The following PCDHGA8 variants were observed in gnomAD, a reference collection of about 807,000 sequenced individuals.
The protein encoded by PCDHGA8 is protocadherin gamma subfamily A, 8, also known as protocadherin gamma-A8.
A neutral mutation model predicts 59.2 loss-of-function variants in PCDHGA8; 45 were observed. The observed-to-expected ratio is 0.76, with a 90% confidence interval of 0.60 to 0.98. The LOEUF (loss-of-function observed/expected upper bound fraction) is 0.98, where lower values mean the gene tolerates loss of function less well. Ranked by LOEUF, PCDHGA8 falls within the 50% of genes least tolerant of loss-of-function variation. The pLI, the probability that PCDHGA8 is intolerant of heterozygous loss-of-function variation, is 0.00. For missense variants in PCDHGA8, 1,257 were observed against 1,196.2 expected, an observed-to-expected ratio of 1.05 and a Z score of -0.75; for synonymous variants, 531 against 519.0, an observed-to-expected ratio of 1.02 and a Z score of -0.32.
chr5:141,473,930 G>T (rs966856411), intron 1 of PCDHGA8, among the ~76,000 whole-genome samples: 3 of 152,156 alleles, frequency 2.0e-5, no homozygotes, highest in Admixed American at 6.5e-5. Flanking sequence ...TGAGCTGGGT[G>T]CAGTAGCTCA....
At chr5:141,446,697 C>T (rs1254994356) in intron 1 of PCDHGA8, among the ~76,000 whole-genome samples, 9 of 152,134 alleles carry the variant, frequency 5.9e-5, no homozygotes, top group Admixed American at 5.9e-4. Context: ...AGGCTGGTCT[C>T]GAACTCTGAT....
chr5:141,439,190 CA>C (rs200519543), intron 1 of PCDHGA8, among the ~76,000 whole-genome samples: 2,445 of 111,432 alleles, frequency 0.022, 39 homozygotes, highest in African/African-American at 0.057. Flanking sequence ...GAGACTCTGA[CA>C]AAAAAAAAAA....
intron 1 of PCDHGA8, chr5:141,395,547 TG>T (rs5871772): frequency 0.053 from 9,293 of 174,278 alleles, 481 homozygotes; most frequent in Middle Eastern, 0.08. Flanking sequence ...ATTGTTTGTG[TG>T]TGTGTGTGTG....
At chr5:141,399,588 C>A (rs2093842272) in intron 1 of PCDHGA8, 1 of 1,613,894 alleles carries the variant, frequency 6.2e-7, no homozygotes, top group South Asian at 1.1e-5. Context: ...CCTACTCTAT[C>A]ATGGCCAGCG....
At chr5:141,473,343 T>G (rs1309426537) in intron 1 of PCDHGA8, among the ~76,000 whole-genome samples, 1 of 152,218 alleles carries the variant, frequency 6.6e-6, no homozygotes, top group African/African-American at 2.4e-5. Context: ...TGCTAGACAG[T>G]GAGGATGCAA....
chr5:141,422,298 T>G, intron 1 of PCDHGA8: 1 of 1,549,054 alleles, frequency 6.5e-7, no homozygotes, highest in Non-Finnish European at 8.7e-7. Flanking sequence ...TTAATTCAAT[T>G]CTGGAAAACT....
intron 1 of PCDHGA8, chr5:141,404,646 C>G (rs1461001534): frequency 3.1e-6 from 5 of 1,614,208 alleles, no homozygotes; most frequent in Non-Finnish European, 3.4e-6. Flanking sequence ...ATCCTGTACC[C>G]TGCCCTCCCC....
chr5:141,466,969 C>T (rs2099133068), intron 1 of PCDHGA8, among the ~76,000 whole-genome samples: 1 of 152,068 alleles, frequency 6.6e-6, no homozygotes, highest in African/African-American at 2.4e-5. Flanking sequence ...TATTTTCTCA[C>T]AGCTCATCAT....
chr5:141,469,419 A>G (rs1047562022), intron 1 of PCDHGA8, among the ~76,000 whole-genome samples: 2 of 152,066 alleles, frequency 1.3e-5, no homozygotes, highest in South Asian at 2.1e-4. Flanking sequence ...TACTAAAAAT[A>G]TAAAACTTAG....
chr5:141,507,691 A>G (rs777728143), intron 3 of PCDHGA8, among the ~76,000 whole-genome samples: 72 of 152,198 alleles, frequency 4.7e-4, no homozygotes, highest in Non-Finnish European at 6.8e-4. Context: ...CAGAAATGAA[A>G]TCAGTATTTA....
intron 1 of PCDHGA8, chr5:141,398,604 T>A: frequency 6.2e-7 from 1 of 1,614,048 alleles, no homozygotes; most frequent in Non-Finnish European, 8.5e-7. Flanking sequence ...TAGCAGAAGA[T>A]GCAGATATTG....
In PCDHGA8 at chr5:141,490,081, T is replaced by A; in HGVS notation, c.2425-4726T>A. Reference sequence around the variant, plus strand: ...CACCAACGGCCAACTAGACTATTCTTTTGGAGACCACACATCTGAGGCAGT... The same window carrying A: ...CACCAACGGCCAACTAGACTATTCTATTGGAGACCACACATCTGAGGCAGT... On this transcript the variant is annotated intron_variant, in intron 1 of 3. Coordinates refer to ENST00000398604, the MANE Select transcript of PCDHGA8 (RefSeq NM_032088.2). The surrounding 1 kb of genome is among the most constrained non-coding windows in gnomAD (Gnocchi z 5.4). 3 of 1,614,216 alleles carry A rather than the reference T, an allele frequency of 1.9e-6. No homozygotes were observed. Among genetic ancestry groups the A allele is most frequent in the Non-Finnish European group, 2.5e-6 (3 of 1,180,040 alleles).
At position 141,491,318 on chromosome 5, in the gene PCDHGA8, A is replaced by C; in HGVS notation, c.2425-3489A>C. The C allele has an allele frequency of 6.2e-7, 1 of 1,613,862 alleles. No individual in the cohort carries two copies. The highest frequency in any genetic ancestry group is 8.5e-7 in the Non-Finnish European group (1 of 1,179,916). On this transcript the variant is annotated intron_variant, in intron 1 of 3. Transcript: ENST00000398604. The surrounding 1 kb of genome is among the most constrained non-coding windows in gnomAD (Gnocchi z 6.9). ...CCTGAGCGTTCAGACCTTACCCTTT[A>C]CCTCATTGTGGCTCTAGCGACCGTC...
intron 1 of PCDHGA8, chr5:141,430,944 G>T: frequency 1.2e-6 from 2 of 1,609,214 alleles, no homozygotes; most frequent in Non-Finnish European, 1.7e-6. Flanking sequence ...CTCGCGGAGC[G>T]CGGAGTCCGC....
chr5:141,456,984 C>G (rs374156327), intron 1 of PCDHGA8, among the ~76,000 whole-genome samples: 1 of 152,200 alleles, frequency 6.6e-6, no homozygotes, highest in East Asian at 1.9e-4. Flanking sequence ...AACAAACAAA[C>G]AAACAAAAAC....
At chr5:141,428,146 C>T (rs549173211) in intron 1 of PCDHGA8, 15 of 1,589,346 alleles carry the variant, frequency 9.4e-6, no homozygotes, top group East Asian at 2.2e-5. Context: ...GGGCTGCACA[C>T]GGGAACCTGC....
In PCDHGA8 at chr5:141,491,803, C is replaced by T. The variant is rs2099730932; in HGVS notation, c.2425-3004C>T. ...CTTGCATCCACTCCTCTCCGGCCGG[C>T]TTGGTCGCTGGCTGCGCTCCACCCG... On this transcript the variant is annotated intron_variant, in intron 1 of 3. Transcript: ENST00000398604. This position sits in a 1 kb window ranked among gnomAD's most constrained non-coding sequence, Gnocchi z 6.9. 1 of 1,497,820 alleles carries T rather than the reference C, an allele frequency of 6.7e-7. No individual in the cohort carries two copies. Among genetic ancestry groups the T allele is most frequent in the Non-Finnish European group, 8.9e-7 (1 of 1,124,124 alleles). 92.8% of individuals were successfully genotyped at this position (1,497,820 alleles called of 1,614,324 possible).
rs765318875 is a variant in PCDHGA8 at position 141,489,896 on chromosome 5, C to A, written c.2425-4911C>A. On this transcript the variant is annotated intron_variant, in intron 1 of 3. Coordinates refer to ENST00000398604, the MANE Select transcript of PCDHGA8 (RefSeq NM_032088.2). This position sits in a 1 kb window ranked among gnomAD's most constrained non-coding sequence, Gnocchi z 4.5. ...GTGCTTACTGCTGTGGATGGGGGGA[C>A]CCCAGCCCGCTCAGGGACCACCCTT... 5 of 1,614,062 alleles carry A rather than the reference C, an allele frequency of 3.1e-6. No homozygotes were observed.
At chr5:141,494,365 C>A (rs193174055) in intron 1 of PCDHGA8, among the ~76,000 whole-genome samples, 20 of 152,290 alleles carry the variant, frequency 1.3e-4, no homozygotes, top group Non-Finnish European at 2.2e-4. Context: ...GCAGAGGATG[C>A]TTTGTTCCCA....
Sources: allele counts gnomAD v4.1 joint callset (sites outside exome capture counted in the v4.1 genomes callset), GRCh38; gene constraint gnomAD v4.1.1; non-coding constraint Gnocchi (gnomAD v3.1); transcripts MANE v1.5; gene names NCBI Gene and HGNC (gene_info 2026-07-23, HGNC 2026-07-21).